Variants in CA5A observed in about 807,000 individuals in gnomAD.
CA5A encodes carbonic anhydrase 5A, also known as carbonic anhydrase 5A, mitochondrial.
In CA5A, 28 loss-of-function variants were observed where a neutral mutation model predicts 37.1. The ratio of observed to expected loss-of-function variants is 0.75; its 90% CI spans 0.56 to 1.03. The LOEUF (loss-of-function observed/expected upper bound fraction) is 1.03. Ranked by LOEUF, CA5A falls within the 50% of genes least tolerant of loss-of-function variation. CA5A has a pLI of 0.00. For synonymous variants in CA5A, 171 were observed against 158.4 expected, an observed-to-expected ratio of 1.08 and a Z score of -0.60; for missense variants, 444 against 399.9, an observed-to-expected ratio of 1.11 and a Z score of -0.94.
chr16:87,905,697 A>G (rs747961519), intron 2 of CA5A, among the ~76,000 whole-genome samples: 3 of 152,238 alleles, frequency 2.0e-5, no homozygotes, highest in African/African-American at 7.2e-5. Flanking sequence ...GAGCTGTAGC[A>G]TCAGTCCTGA....
At chr16:87,896,137 A>G (rs1255372101) in intron 5 of CA5A, among the ~76,000 whole-genome samples, 1 of 152,228 alleles carries the variant, frequency 6.6e-6, no homozygotes, top group East Asian at 1.9e-4. Flanking sequence ...TTACTGATGA[A>G]GATAGACAGA....
intron 2 of CA5A, among the ~76,000 whole-genome samples, chr16:87,910,005 C>G (rs551741015): frequency 3.7e-4 from 56 of 152,290 alleles, no homozygotes; most frequent in African/African-American, 1.3e-3. Flanking sequence ...GAACCCCCAC[C>G]ATAGGACTGC....
At chr16:87,910,616 T>C (rs12919464) in intron 2 of CA5A, among the ~76,000 whole-genome samples, 3 of 152,250 alleles carry the variant, frequency 2.0e-5, no homozygotes, top group African/African-American at 7.2e-5. Flanking sequence ...CTCACTCTGT[T>C]ACCCAGGCTG....
chr16:87,906,964 C>T (rs2055970063), intron 2 of CA5A, among the ~76,000 whole-genome samples: 1 of 152,144 alleles, frequency 6.6e-6, no homozygotes, highest in African/African-American at 2.4e-5. Flanking sequence ...CGCCTGTAAT[C>T]CTAGCACTTT....
chr16:87,927,856 CA>C (rs569544193), intron 1 of CA5A, among the ~76,000 whole-genome samples: 2,090 of 78,928 alleles, frequency 0.026, 17 homozygotes, highest in African/African-American at 0.046. Context: ...GACTCTGCCT[CA>C]AAAAAAAAAA....
chr16:87,928,798 T>G, intron 1 of CA5A, among the ~76,000 whole-genome samples: 1 of 124,008 alleles, frequency 8.1e-6, no homozygotes, highest in African/African-American at 3.0e-5. Flanking sequence ...AGACGGAGTC[T>G]CACTCGGTCG....
chr16:87,917,796 AG>A (rs1247070292), intron 2 of CA5A, among the ~76,000 whole-genome samples: 1,702 of 107,058 alleles, frequency 0.016, 31 homozygotes, highest in African/African-American at 0.085. Flanking sequence ...ATGTATACAC[AG>A]TGCACATGTG....
chr16:87,909,259 A>C lies in CA5A; in HGVS notation c.341-4355T>G, dbSNP rs1468730300. Among the ~76,000 whole-genome samples, 2 of 152,136 alleles carry C rather than the reference A, an allele frequency of 1.3e-5. 1 individual carries two copies. Among genetic ancestry groups the C allele is most frequent in the Admixed American group, 1.3e-4 (2 of 15,260 alleles). On this transcript the variant is annotated intron_variant, in intron 2 of 6. Coordinates refer to ENST00000649794, the MANE Select transcript of CA5A (RefSeq NM_001739.2). ...AGGGGAACCATGGGGCCCTCGGGAC[A>C]TGCGGCCCCTCCTCAGGCTGGCTCG...
intron 2 of CA5A, among the ~76,000 whole-genome samples, chr16:87,910,491 T>C (rs1486450935): frequency 6.6e-6 from 1 of 152,178 alleles, no homozygotes; most frequent in Non-Finnish European, 1.5e-5. Flanking sequence ...GCTTTTGTAG[T>C]AGGGTTCAGG....
intron 2 of CA5A, chr16:87,923,955 G>T: frequency 1.0e-6 from 1 of 985,006 alleles, no homozygotes; most frequent in Non-Finnish European, 1.2e-6. Context: ...GCTGCATGAA[G>T]AATTTTTAAA....
chr16:87,889,579 G>C (rs1488360262), intron 6 of CA5A, among the ~76,000 whole-genome samples: 2 of 151,830 alleles, frequency 1.3e-5, no homozygotes, highest in African/African-American at 2.4e-5. Flanking sequence ...TTTGAGACCA[G>C]CCTGGCCAAC....
At position 87,895,229 on chromosome 16, in the gene CA5A, G is replaced by A. The variant is rs554738334; in HGVS notation, c.619-3275C>T. On this transcript the variant is annotated intron_variant, in intron 5 of 6. Coordinates refer to ENST00000649794, the MANE Select transcript of CA5A (RefSeq NM_001739.2). Reference sequence around the variant, plus strand: ...CATACCACTGCACTCTAGCCTCGGTGACGGAGTGAGATCCTTTCTTAAAAT... The same window carrying A: ...CATACCACTGCACTCTAGCCTCGGTAACGGAGTGAGATCCTTTCTTAAAAT... Among the ~76,000 whole-genome samples, 16 of 152,018 alleles carry A rather than the reference G, an allele frequency of 1.1e-4. No individual in the cohort carries two copies. The East Asian group carries it at 3.1e-3, about 30-fold the overall frequency.
At chr16:87,902,802 C>G (rs1380029978) in intron 3 of CA5A, among the ~76,000 whole-genome samples, 1 of 151,508 alleles carries the variant, frequency 6.6e-6, no homozygotes, top group Non-Finnish European at 1.5e-5. Flanking sequence ...GTCCCAGGTA[C>G]TCAGGAGGCT....
chr16:87,932,454 C>T (rs2056420837), intron 1 of CA5A, among the ~76,000 whole-genome samples: 1 of 152,302 alleles, frequency 6.6e-6, no homozygotes, highest in Non-Finnish European at 1.5e-5. Context: ...GTGTGTCACC[C>T]AACAAAAGGG....
intron 5 of CA5A, among the ~76,000 whole-genome samples, chr16:87,899,931 A>C (rs1208545483): frequency 4.4e-5 from 4 of 91,448 alleles, no homozygotes; most frequent in African/African-American, 1.7e-4. Flanking sequence ...AAAAAAAAAA[A>C]AAAAAAAAAA....
chr16:87,886,212 C>G (rs1009103275), downstream of CA5A: 1 of 145,854 alleles, frequency 6.9e-6, no homozygotes, highest in Admixed American at 7.1e-5. Flanking sequence ...TGCAATGGCG[C>G]GATCTCGGCT....
At chr16:87,927,044 C>G in intron 1 of CA5A, 99 bp from the exon 2 acceptor site, 2 of 847,632 alleles carry the variant, frequency 2.4e-6, no homozygotes, top group African/African-American at 3.4e-5. Context: ...CCCCTCACGT[C>G]CTGGCTCATG....
chr16:87,908,010 C>T (rs527730062), intron 2 of CA5A, among the ~76,000 whole-genome samples: 1 of 152,338 alleles, frequency 6.6e-6, no homozygotes, highest in Admixed American at 6.5e-5. Flanking sequence ...AGGAAGGGGT[C>T]ATCGAAGGCA....
chr16:87,917,204 G>C (rs573311629), intron 2 of CA5A, among the ~76,000 whole-genome samples: 4 of 151,904 alleles, frequency 2.6e-5, no homozygotes, highest in African/African-American at 9.7e-5. Flanking sequence ...CTGACATTTT[G>C]TCCAACATGA....
Sources: gnomAD v4.1 joint callset for allele counts (sites outside exome capture counted in the v4.1 genomes callset) on GRCh38, gnomAD v4.1.1 for gene constraint, MANE v1.5 for transcripts, NCBI Gene and HGNC (gene_info 2026-07-23, HGNC 2026-07-21) for gene names.